The following CBFA2T3 variants were observed in gnomAD, a reference collection of about 807,000 sequenced individuals.
CBFA2T3 encodes the protein CBFA2/RUNX1 partner transcriptional co-repressor 3.
CBFA2T3 carries 31 observed loss-of-function variants against 58.6 expected under a neutral mutation model. The observed-to-expected ratio is 0.53, with a 90% confidence interval of 0.40 to 0.71. CBFA2T3 has a LOEUF of 0.71. Among genes scored for constraint, CBFA2T3 ranks in the 30% least tolerant of loss-of-function variants. CBFA2T3 has a pLI of 0.00. For synonymous variants in CBFA2T3, 531 were observed against 421.9 expected (o/e 1.26, Z -3.17); for missense variants, 1,076 against 963.1 (o/e 1.12, Z -1.55).
intron 1 of CBFA2T3, chr16:88,950,579 G>T: frequency 1.5e-5 from 6 of 405,350 alleles, no homozygotes; most frequent in South Asian, 9.7e-5. Flanking sequence ...AGGAGTGTTG[G>T]CACCTGTCTT....
intron 1 of CBFA2T3, among the ~76,000 whole-genome samples, chr16:88,914,064 T>C (rs577065001): frequency 1.5e-4 from 23 of 152,166 alleles, no homozygotes; most frequent in African/African-American, 5.3e-4. Context: ...GGCCATACAA[T>C]GGAATACAAT....
chr16:88,926,030 C>A (rs970171330), intron 1 of CBFA2T3, among the ~76,000 whole-genome samples: 1 of 152,216 alleles, frequency 6.6e-6, no homozygotes, highest in African/African-American at 2.4e-5. Context: ...AGGTCAGCTC[C>A]GTGAGACGGG....
intron 3 of CBFA2T3, among the ~76,000 whole-genome samples, chr16:88,895,660 C>T (rs1247450234): frequency 6.6e-6 from 1 of 152,180 alleles, no homozygotes; most frequent in African/African-American, 2.4e-5. Context: ...CGGGGCCCAG[C>T]GCTCACTCTG....
chr16:88,924,831 G>A (rs1567611555), intron 1 of CBFA2T3, among the ~76,000 whole-genome samples: 1 of 152,336 alleles, frequency 6.6e-6, no homozygotes, highest in East Asian at 1.9e-4. Context: ...CTGTGAAGGC[G>A]AGTCCTGCCC....
At chr16:88,952,363 C>CGG (rs1972096083) in intron 1 of CBFA2T3, among the ~76,000 whole-genome samples, 2 of 151,956 alleles carry the variant, frequency 1.3e-5, no homozygotes, top group South Asian at 4.2e-4. Flanking sequence ...AAGACAAATG[C>CGG]CCAGGCCACA....
intron 1 of CBFA2T3, among the ~76,000 whole-genome samples, chr16:88,928,228 C>G (rs191105679): frequency 6.6e-6 from 1 of 152,118 alleles, no homozygotes; most frequent in Admixed American, 6.5e-5. Context: ...CACTGGGGCC[C>G]GGGGCAGCTT....
intron 1 of CBFA2T3, among the ~76,000 whole-genome samples, chr16:88,931,336 G>T (rs1307891959): frequency 6.6e-6 from 1 of 152,174 alleles, no homozygotes; most frequent in African/African-American, 2.4e-5. Flanking sequence ...CTGCTGGCTG[G>T]AGTGAGTGGG....
intron 1 of CBFA2T3, among the ~76,000 whole-genome samples, chr16:88,930,533 G>C (rs931369077): frequency 6.6e-6 from 1 of 151,790 alleles, no homozygotes; most frequent in Non-Finnish European, 1.5e-5. Flanking sequence ...CTCCCCACTA[G>C]GCTCCAGTGC....
intron 8 of CBFA2T3, among the ~76,000 whole-genome samples, chr16:88,881,902 G>A (rs952365216): frequency 1.3e-5 from 2 of 152,248 alleles, no homozygotes; most frequent in African/African-American, 2.4e-5. Context: ...GCTGCAGGAT[G>A]GGGTGGGTGG....
intron 3 of CBFA2T3, among the ~76,000 whole-genome samples, chr16:88,893,305 C>T (rs533570037): frequency 2.4e-4 from 36 of 149,654 alleles, no homozygotes; most frequent in Non-Finnish European, 3.7e-4. Flanking sequence ...ATGTGCCCCC[C>T]CCGACACACA....
chr16:88,975,878 C>G (rs1248483351), intron 1 of CBFA2T3, among the ~76,000 whole-genome samples: 4 of 152,234 alleles, frequency 2.6e-5, no homozygotes, highest in Non-Finnish European at 1.5e-5. Flanking sequence ...AGACCTTGGA[C>G]CTGACGGCCT....
chr16:88,913,342 C>A (rs181675606), intron 1 of CBFA2T3, among the ~76,000 whole-genome samples: 168 of 152,364 alleles, frequency 1.1e-3, no homozygotes, highest in African/African-American at 3.7e-3. Flanking sequence ...AGAAGAACCA[C>A]CCCCCTGAGC....
At chr16:88,948,455 C>A (rs1597779217) in intron 1 of CBFA2T3, among the ~76,000 whole-genome samples, 1 of 152,212 alleles carries the variant, frequency 6.6e-6, no homozygotes, top group Non-Finnish European at 1.5e-5. Flanking sequence ...TGGCCGTCAG[C>A]CTGGGCCGTC....
intron 1 of CBFA2T3, among the ~76,000 whole-genome samples, chr16:88,949,239 G>C (rs1474493325): frequency 6.6e-6 from 1 of 152,228 alleles, no homozygotes; most frequent in African/African-American, 2.4e-5. Flanking sequence ...TCCATGTCCT[G>C]AAAGAGACAG....
chr16:88,885,300 G>A lies in CBFA2T3; in HGVS notation c.894-31C>T, dbSNP rs940310677. On this transcript the variant is annotated intron_variant, in intron 6 of 11. Transcript: ENST00000268679. The surrounding 1 kb of genome is among the most constrained non-coding windows in gnomAD (Gnocchi z 5.3). ...CCCAAGAGCAGGTGGGGCGAGGGCAGTGGACATAGGATGAACCGGGGACAG... is the reference window on the plus strand; with the variant it reads ...CCCAAGAGCAGGTGGGGCGAGGGCAATGGACATAGGATGAACCGGGGACAG... 1 of 1,462,808 alleles carries A rather than the reference G, an allele frequency of 6.8e-7. No homozygotes were observed. Among genetic ancestry groups the A allele is most frequent in the Non-Finnish European group, 9.2e-7 (1 of 1,090,488 alleles). 90.6% of individuals were successfully genotyped at this position (1,462,808 alleles called of 1,614,324 possible).
intron 1 of CBFA2T3, chr16:88,950,110 G>T: frequency 2.2e-6 from 1 of 448,282 alleles, no homozygotes; most frequent in Admixed American, 2.4e-5. Flanking sequence ...CTCCTCTCCC[G>T]TCTCTCTTCA....
Position 88,876,641 on chromosome 16 carries a change from G to A in CBFA2T3, c.*335C>T, listed in dbSNP as rs1968839679. ...GGGGAGAGACAGACAGAGAGGAAAA[G>A]AGAGGTGGGCAGAGCCGCCGCGCCT... On this transcript the variant is annotated 3_prime_UTR_variant, in exon 12 of 12. Coordinates refer to ENST00000268679, the MANE Select transcript of CBFA2T3 (RefSeq NM_005187.6). 1 of 318,886 alleles carries A rather than the reference G, an allele frequency of 3.1e-6. No homozygotes were observed. Among genetic ancestry groups the A allele is most frequent in the Non-Finnish European group, 5.7e-6 (1 of 174,950 alleles). 19.8% of individuals were successfully genotyped at this position (318,886 alleles called of 1,614,324 possible).
chr16:88,925,137 TG>T (rs1971045112), intron 1 of CBFA2T3, among the ~76,000 whole-genome samples: 1 of 152,192 alleles, frequency 6.6e-6, no homozygotes, highest in Non-Finnish European at 1.5e-5. Flanking sequence ...TCGCTGACCC[TG>T]GGGCAGCAGG....
At chr16:88,973,221 T>G (rs2142889218) in intron 1 of CBFA2T3, among the ~76,000 whole-genome samples, 1 of 152,036 alleles carries the variant, frequency 6.6e-6, no homozygotes, top group South Asian at 2.1e-4. Context: ...GAGTGCAGAG[T>G]GAGTGGCTGG....
Sources: gnomAD v4.1 joint callset for allele counts (sites outside exome capture counted in the v4.1 genomes callset) on GRCh38, gnomAD v4.1.1 for gene constraint, Gnocchi (gnomAD v3.1) non-coding constraint, MANE v1.5 for transcripts, NCBI Gene and HGNC (gene_info 2026-07-23, HGNC 2026-07-21) for gene names.